Variants in MPPED2 observed in about 807,000 individuals in gnomAD.
MPPED2 encodes metallophosphoesterase domain containing 2, also known as metallophosphoesterase MPPED2.
A neutral mutation model predicts 33.0 loss-of-function variants in MPPED2; 5 were observed. That is an observed-to-expected ratio of 0.15 (90% CI 0.08 to 0.32). The LOEUF is 0.32. Ranked by LOEUF, MPPED2 falls within the 10% of genes least tolerant of loss-of-function variation. The probability of loss-of-function intolerance (pLI) is 1.00; values close to 1 mark genes in which losing one functional copy is unlikely to be tolerated. For synonymous variants in MPPED2, 136 were observed against 141.9 expected (o/e 0.96, Z 0.29); for missense variants, 275 against 372.1 (o/e 0.74, Z 2.15).
intron 4 of MPPED2, among the ~76,000 whole-genome samples, chr11:30,455,217 C>G (rs1002687926): frequency 6.6e-6 from 1 of 152,184 alleles, no homozygotes; most frequent in Non-Finnish European, 1.5e-5. Context: ...AAAACCAACC[C>G]TGGCTTGGCT....
intron 2 of MPPED2, among the ~76,000 whole-genome samples, chr11:30,536,761 T>G (rs1295526687): frequency 6.6e-6 from 1 of 151,342 alleles, no homozygotes; most frequent in Admixed American, 6.6e-5. Context: ...GAGAAGGTGA[T>G]GCCAAAATAA....
At chr11:30,430,040 G>C (rs1443606109) in intron 4 of MPPED2, among the ~76,000 whole-genome samples, 1 of 152,090 alleles carries the variant, frequency 6.6e-6, no homozygotes, top group East Asian at 1.9e-4. Flanking sequence ...CACAGTGCCT[G>C]ACACAAAATA....
downstream of MPPED2, among the ~76,000 whole-genome samples, chr11:30,408,672 G>T (rs1948028143): frequency 6.6e-6 from 1 of 152,142 alleles, no homozygotes; most frequent in Non-Finnish European, 1.5e-5. Context: ...GATTAAAAGG[G>T]CATGGGCTAT....
intron 3 of MPPED2, among the ~76,000 whole-genome samples, chr11:30,521,691 C>A (rs1003981133): frequency 6.6e-6 from 1 of 152,202 alleles, no homozygotes; most frequent in Non-Finnish European, 1.5e-5. Context: ...TATCTTCTGA[C>A]CTTTGCCAGT....
At position 30,433,086 on chromosome 11, in the gene MPPED2, T is replaced by C. The variant is rs1048847160; in HGVS notation, c.537-15453A>G. Among the ~76,000 whole-genome samples the C allele has an allele frequency of 2.6e-5, 4 of 152,268 alleles. No homozygotes were observed. The Middle Eastern group carries it at 0.01, about 388-fold the overall frequency. On this transcript the variant is annotated intron_variant, in intron 4 of 6. Coordinates refer to ENST00000358117, the MANE Select transcript of MPPED2 (RefSeq NM_001584.3). ...ACAGGGACTATGAGTTGGAGAGAGG[T>C]GAACCAAGGTTTCCTGGTGTAACTT...
intron 4 of MPPED2, among the ~76,000 whole-genome samples, chr11:30,445,207 A>G (rs1214645788): frequency 6.6e-6 from 1 of 151,996 alleles, no homozygotes; most frequent in Non-Finnish European, 1.5e-5. Context: ...CCCCGGGCTG[A>G]GGAAGGGCTC....
intron 4 of MPPED2, among the ~76,000 whole-genome samples, chr11:30,459,700 A>G (rs1950442339): frequency 6.6e-6 from 1 of 152,228 alleles, no homozygotes; most frequent in African/African-American, 2.4e-5. Context: ...GTTACCTGAA[A>G]TCAGAACTAA....
intron 4 of MPPED2, among the ~76,000 whole-genome samples, chr11:30,455,698 T>A (rs1950252307): frequency 6.6e-6 from 1 of 152,138 alleles, no homozygotes; most frequent in Non-Finnish European, 1.5e-5. Context: ...ACGGTGTAAA[T>A]CAATTAAGCA....
At chr11:30,473,376 G>A (rs1951034485) in intron 4 of MPPED2, among the ~76,000 whole-genome samples, 3 of 152,116 alleles carry the variant, frequency 2.0e-5, no homozygotes, top group Admixed American at 2.0e-4. Flanking sequence ...TCTTGCCAAA[G>A]GTCCTACCTA....
At chr11:30,543,021 A>T (rs1565169193) in intron 2 of MPPED2, among the ~76,000 whole-genome samples, 1 of 152,226 alleles carries the variant, frequency 6.6e-6, no homozygotes, top group Non-Finnish European at 1.5e-5. Context: ...AGTGCTCTCT[A>T]TCCAGTCATG....
intron 6 of MPPED2, among the ~76,000 whole-genome samples, chr11:30,400,762 ATTT>A (rs34695831): frequency 0.03 from 4,333 of 145,704 alleles, 105 homozygotes; most frequent in African/African-American, 0.068. Context: ...ATCATCAAAC[ATTT>A]TTTTTTTTTT....
downstream of MPPED2, among the ~76,000 whole-genome samples, chr11:30,406,938 A>G (rs1156335193): frequency 6.6e-6 from 1 of 152,246 alleles, no homozygotes; most frequent in Non-Finnish European, 1.5e-5. Context: ...AAAAGAGACT[A>G]GGAAGCAAAA....
At chr11:30,459,277 C>A (rs904754118) in intron 4 of MPPED2, among the ~76,000 whole-genome samples, 48 of 152,126 alleles carry the variant, frequency 3.2e-4, no homozygotes, top group Admixed American at 6.5e-4. Flanking sequence ...CCAAAGATGC[C>A]TGTTTATCTG....
At chr11:30,500,194 T>G (rs1010624051) in intron 3 of MPPED2, among the ~76,000 whole-genome samples, 1 of 152,224 alleles carries the variant, frequency 6.6e-6, no homozygotes. Flanking sequence ...GCCATGGCTT[T>G]ATTTGAATTC....
intron 2 of MPPED2, among the ~76,000 whole-genome samples, chr11:30,555,292 G>T (rs1181534662): frequency 6.6e-6 from 1 of 152,092 alleles, no homozygotes; most frequent in African/African-American, 2.4e-5. Flanking sequence ...GCACCAGAAA[G>T]CAGTTTTAGA....
At chr11:30,433,209 G>A (rs550947346) in intron 4 of MPPED2, among the ~76,000 whole-genome samples, 6 of 152,298 alleles carry the variant, frequency 3.9e-5, no homozygotes, top group Non-Finnish European at 7.4e-5. Flanking sequence ...TTTGAGAAAT[G>A]TTCCTGCATT....
At chr11:30,435,467 G>T (rs1269614037) in intron 4 of MPPED2, among the ~76,000 whole-genome samples, 5 of 152,188 alleles carry the variant, frequency 3.3e-5, no homozygotes, top group African/African-American at 1.2e-4. Context: ...CGATCACAGT[G>T]GCTATACATT....
intron 2 of MPPED2, among the ~76,000 whole-genome samples, chr11:30,570,017 C>T (rs1466260533): frequency 1.3e-5 from 2 of 152,136 alleles, no homozygotes; most frequent in Admixed American, 1.3e-4. Context: ...TTCACAAATA[C>T]GCCCATTTCT....
At chr11:30,484,204 G>A (rs760881149) in intron 4 of MPPED2, among the ~76,000 whole-genome samples, 1 of 151,742 alleles carries the variant, frequency 6.6e-6, no homozygotes, top group Non-Finnish European at 1.5e-5. Context: ...AATATCACTG[G>A]CACCTTCAGA....
Sources: gnomAD v4.1 joint callset for allele counts (sites outside exome capture counted in the v4.1 genomes callset) on GRCh38, gnomAD v4.1.1 for gene constraint, MANE v1.5 for transcripts, NCBI Gene and HGNC (gene_info 2026-07-23, HGNC 2026-07-21) for gene names.